UGT1A6: variants seen among roughly 807,000 people sequenced by gnomAD.
The protein encoded by UGT1A6 is UDP-glucuronosyltransferase 1A6.
In UGT1A6, 32 loss-of-function variants were observed where a neutral mutation model predicts 44.4. The observed-to-expected ratio is 0.72, with a 90% CI of 0.54 to 0.97. The LOEUF (loss-of-function observed/expected upper bound fraction) is 0.97, where lower values mean the gene tolerates loss of function less well. Among genes scored for constraint, UGT1A6 ranks in the 50% least tolerant of loss-of-function variants. The pLI is 0.00. For missense variants in UGT1A6, 685 were observed against 661.9 expected (o/e 1.03, Z -0.38); for synonymous variants, 238 against 248.5 (o/e 0.96, Z 0.40).
At chr2:233,713,498 T>A in intron 1 of UGT1A6, 1 of 1,614,012 alleles carries the variant, frequency 6.2e-7, no homozygotes, top group Non-Finnish European at 8.5e-7. Context: ...CGATTCCTGC[T>A]GTGTTTTTCT....
intron 1 of UGT1A6, chr2:233,730,138 A>G (rs1337781035): frequency 1.2e-5 from 19 of 1,525,120 alleles, no homozygotes; most frequent in African/African-American, 8.3e-5. Flanking sequence ...CTTCAGTGAG[A>G]TAAACTGTTA....
chr2:233,748,637 G>C (rs1693996531), intron 1 of UGT1A6, among the ~76,000 whole-genome samples: 1 of 151,746 alleles, frequency 6.6e-6, no homozygotes, highest in South Asian at 2.1e-4. Flanking sequence ...TGTGATTATA[G>C]AATTACACAC....
At chr2:233,727,498 G>A (rs2077621663) in intron 1 of UGT1A6, among the ~76,000 whole-genome samples, 1 of 152,136 alleles carries the variant, frequency 6.6e-6, no homozygotes, top group Non-Finnish European at 1.5e-5. Context: ...TAGAACATGG[G>A]AGCCCATGAA....
chr2:233,743,474 G>T (rs762879751), intron 1 of UGT1A6: 8 of 1,366,712 alleles, frequency 5.9e-6, no homozygotes, highest in Middle Eastern at 2.1e-4. Context: ...CCAAAAGCTG[G>T]AAATTCACTG....
chr2:233,693,146 GT>G lies in UGT1A6; in HGVS notation c.144del (p.Leu49SerfsTer9). On this transcript the variant is annotated frameshift_variant, in exon 1 of 5. Transcript: ENST00000305139. LOFTEE classifies it high-confidence loss of function. ...HWLSMKDIVE[V>X]LSDRGHEIVV... ...GCTTAGTATGAAGGATATAGTTGAG[GT>G]TCTCAGTGACCGGGGTCATGAGATT... is the stretch of plus-strand genomic sequence containing the variant. 6.2e-7 allele frequency: 1 copy of G among 1,614,204 alleles called. No homozygotes were observed. Among genetic ancestry groups the G allele is most frequent in the Non-Finnish European group, 8.5e-7 (1 of 1,180,048 alleles).
Position 233,752,817 on chromosome 2 carries a change from T to G in UGT1A6, c.862-14217T>G, listed in dbSNP as rs569255624. On this transcript the variant is annotated intron_variant, in intron 1 of 4. Transcript: ENST00000305139. ...CTTCTGTAGAAGGAACACTTCCCAT[T>G]TATGACATCAGTAATCTAGGATATA... Among the ~76,000 whole-genome samples the G allele has an allele frequency of 2.6e-5, 4 of 152,306 alleles. No individual in the cohort carries two copies. The East Asian group carries it at 7.7e-4, about 29-fold the overall frequency.
chr2:233,721,816 C>T, intron 1 of UGT1A6: 1 of 516,128 alleles, frequency 1.9e-6, no homozygotes, highest in Non-Finnish European at 3.9e-6. Flanking sequence ...AAATCCAGCA[C>T]CCTATTTGGG....
rs745537470 is a variant in UGT1A6, at chr2:233,755,045, G to A, written c.862-11989G>A. ...TGAAGGGCCTGCCGCCTGCGCAGCC[G>A]CCCTCCGCCCTCGCCTCGCCATAGC... On this transcript the variant is annotated intron_variant, in intron 1 of 4. Transcript: ENST00000305139. 1.4e-5 allele frequency: 18 copies of A among 1,325,360 alleles called. No individual in the cohort carries two copies. The East Asian group carries it at 1.4e-4, about 10-fold the overall frequency. 82.1% of individuals were successfully genotyped at this position (1,325,360 alleles called of 1,614,324 possible). A position where few individuals can be genotyped will look rare whatever the true frequency, so the allele number is the denominator to read the frequency against.
chr2:233,712,695 C>T (rs2076249622), intron 1 of UGT1A6, among the ~76,000 whole-genome samples: 1 of 152,134 alleles, frequency 6.6e-6, no homozygotes, highest in Non-Finnish European at 1.5e-5. Flanking sequence ...TGGGGGTTCA[C>T]AGCCTTGTGT....
At chr2:233,748,154 C>T (rs1428123835) in intron 1 of UGT1A6, 2 of 1,600,806 alleles carry the variant, frequency 1.2e-6, no homozygotes, top group Non-Finnish European at 1.7e-6. Flanking sequence ...CTTACAATTG[C>T]TTCCATATCT....
chr2:233,725,753 T>G (rs2077473127), intron 1 of UGT1A6, among the ~76,000 whole-genome samples: 1 of 152,188 alleles, frequency 6.6e-6, no homozygotes, highest in Non-Finnish European at 1.5e-5. Flanking sequence ...GTAAGAGACT[T>G]ACATTTTCTT....
intron 1 of UGT1A6, among the ~76,000 whole-genome samples, chr2:233,746,994 GT>G (rs1693533640): frequency 6.6e-6 from 1 of 151,864 alleles, no homozygotes; most frequent in South Asian, 2.1e-4. Flanking sequence ...GGTCAGATGA[GT>G]TTTTCAAGTA....
intron 1 of UGT1A6, among the ~76,000 whole-genome samples, chr2:233,756,797 C>T (rs954051942): frequency 2.0e-5 from 3 of 151,992 alleles, no homozygotes. Context: ...GGGCAATACA[C>T]TAGTAAAGGT....
At chr2:233,719,407 A>G (rs775904501) in intron 1 of UGT1A6, 11 of 1,613,816 alleles carry the variant, frequency 6.8e-6, no homozygotes, top group African/African-American at 5.3e-5. Context: ...TATATTCCTA[A>G]GTTACTAACG....
chr2:233,759,780 G>C (rs1697251948), intron 1 of UGT1A6, among the ~76,000 whole-genome samples: 1 of 152,286 alleles, frequency 6.6e-6, no homozygotes, highest in South Asian at 2.1e-4. Context: ...TTGGACGAAG[G>C]AATGAAACAC....
At chr2:233,765,000 T>A (rs907940038) in intron 1 of UGT1A6, among the ~76,000 whole-genome samples, 1 of 152,020 alleles carries the variant, frequency 6.6e-6, no homozygotes. Context: ...TTCCTGGTCA[T>A]GTTCCAAATC....
At chr2:233,710,412 T>C (rs946012708) in intron 1 of UGT1A6, among the ~76,000 whole-genome samples, 1 of 152,232 alleles carries the variant, frequency 6.6e-6, no homozygotes, top group African/African-American at 2.4e-5. Context: ...TGCTCTGTAT[T>C]TGTGCTAAGA....
chr2:233,705,091 G>A (rs1166254689), intron 1 of UGT1A6, among the ~76,000 whole-genome samples: 3 of 151,666 alleles, frequency 2.0e-5, no homozygotes, highest in Admixed American at 6.6e-5. Flanking sequence ...AGCCAAGATC[G>A]TGCCATTGCA....
At position 233,693,224 on chromosome 2, in the gene UGT1A6, A is replaced by C. The variant is rs1302767183; in HGVS notation, c.220A>C (p.Thr74Pro). The C allele has an allele frequency of 6.2e-7, 1 of 1,614,120 alleles. No individual in the cohort carries two copies. Among genetic ancestry groups the C allele is most frequent in the Non-Finnish European group, 8.5e-7 (1 of 1,180,056 alleles). ...NLLLKESKYY[T>P]RKIYPVPYDQ... ...GCTTTTGAAAGAATCCAAATACTAC[A>C]CAAGAAAAATCTATCCAGTGCCGTA... The change falls in exon 1 of 5, where the codon ACA becomes CCA. Residue 74 changes from threonine (T) to proline (P), a missense_variant. By Grantham distance (38) the Thr-to-Pro change is conservative. Transcript: ENST00000305139.
Sources: allele counts gnomAD v4.1 joint callset (sites outside exome capture counted in the v4.1 genomes callset), GRCh38; gene constraint gnomAD v4.1.1; transcripts MANE v1.5; gene names NCBI Gene and HGNC (gene_info 2026-07-23, HGNC 2026-07-21).